The following GABRA4 variants were observed in gnomAD, a reference collection of about 807,000 sequenced individuals.
The protein encoded by GABRA4 is gamma-aminobutyric acid type A receptor subunit alpha4.
A neutral mutation model predicts 49.7 loss-of-function variants in GABRA4; 12 were observed. The observed-to-expected ratio is 0.24, with a 90% CI of 0.15 to 0.39. The LOEUF is 0.39. Among genes scored for constraint, GABRA4 ranks in the 10% least tolerant of loss-of-function variants. The pLI, the probability that GABRA4 is intolerant of heterozygous loss-of-function variation, is 1.00. For missense variants in GABRA4, 506 were observed against 686.0 expected (o/e 0.74, Z 2.93); for synonymous variants, 288 against 240.2 (o/e 1.20, Z -1.84).
chr4:46,943,055 T>G (rs1207474374), intron 8 of GABRA4, among the ~76,000 whole-genome samples: 1 of 152,160 alleles, frequency 6.6e-6, no homozygotes, highest in Admixed American at 6.6e-5. Context: ...ATTTATTGAG[T>G]GCCAGGCACT....
At chr4:46,956,203 A>G (rs1446055726) in intron 8 of GABRA4, among the ~76,000 whole-genome samples, 1 of 152,028 alleles carries the variant, frequency 6.6e-6, no homozygotes, top group Non-Finnish European at 1.5e-5. Flanking sequence ...GGAGGTACTT[A>G]TTTATATAAA....
At chr4:46,948,116 T>G (rs1428201633) in intron 8 of GABRA4, among the ~76,000 whole-genome samples, 1 of 152,118 alleles carries the variant, frequency 6.6e-6, no homozygotes, top group African/African-American at 2.4e-5. Context: ...TCTCAATATA[T>G]CAAGAGGCTT....
In GABRA4 at chr4:46,922,082, G is replaced by T. The variant is rs982520516; in HGVS notation, c.*6143C>A. 6.6e-6 allele frequency: 1 copy of T among 152,064 alleles called. No homozygotes were observed. Among genetic ancestry groups the T allele is most frequent in the Non-Finnish European group, 1.5e-5 (1 of 68,000 alleles). 9.4% of individuals were successfully genotyped at this position (152,064 alleles called of 1,614,324 possible). A position where few individuals can be genotyped will look rare whatever the true frequency, so the allele number is the denominator to read the frequency against. The stretch of plus-strand genomic sequence containing the variant: ...CCGAATAGTGGAATGTAGAGGTAAA[G>T]ATAAAAATTCTGATAGACTATATTT... On this transcript the variant is annotated 3_prime_UTR_variant, in exon 9 of 9. Transcript: ENST00000264318.
intron 8 of GABRA4, among the ~76,000 whole-genome samples, chr4:46,956,932 A>T (rs539767537): frequency 6.6e-6 from 1 of 152,188 alleles, no homozygotes; most frequent in East Asian, 1.9e-4. Flanking sequence ...TTTATTAATG[A>T]GCTTGCCATA....
chr4:46,929,011 T>C (rs1357320430), intron 8 of GABRA4, among the ~76,000 whole-genome samples: 1 of 151,994 alleles, frequency 6.6e-6, no homozygotes, highest in Non-Finnish European at 1.5e-5. Context: ...CTTAAATCTA[T>C]AGAAAAAAGA....
chr4:46,950,947 C>T (rs1249864850), intron 8 of GABRA4, among the ~76,000 whole-genome samples: 1 of 151,874 alleles, frequency 6.6e-6, no homozygotes, highest in African/African-American at 2.4e-5. Context: ...AGCCAGAAAA[C>T]CTATACTGGG....
In GABRA4 at chr4:46,956,468, A is replaced by AT. The variant is rs1453770039; in HGVS notation, c.1134+8501_1134+8502insA. Among the ~76,000 whole-genome samples the AT allele has an allele frequency of 3.9e-5, 6 of 152,076 alleles. No homozygotes were observed. The East Asian group carries it at 5.8e-4, about 15-fold the overall frequency. ...TAGTTTATATACCCTTTAGGAATGG[A>AT]ATGAAGCTTGTATATTATGATAGCC... On this transcript the variant is annotated intron_variant, in intron 8 of 8. Transcript: ENST00000264318.
chr4:46,966,974 G>A (rs760208925), intron 7 of GABRA4, among the ~76,000 whole-genome samples: 1 of 151,552 alleles, frequency 6.6e-6, no homozygotes, highest in Non-Finnish European at 1.5e-5. Flanking sequence ...GAACATTTAG[G>A]CCTTCATTTT....
At chr4:46,937,591 C>T (rs1264398314) in intron 8 of GABRA4, among the ~76,000 whole-genome samples, 1 of 152,132 alleles carries the variant, frequency 6.6e-6, no homozygotes, top group African/African-American at 2.4e-5. Context: ...AAAATACATG[C>T]AGAAAAGCTA....
chr4:46,979,036 C>T lies in GABRA4; in HGVS notation c.268G>A (p.Glu90Lys). Reference sequence around the variant, plus strand: ...TAAACTTCGAAAATACCTACCATTTCAACATCAGAAACAGGTCCAAAGCTG... The same window carrying T: ...TAAACTTCGAAAATACCTACCATTTTAACATCAGAAACAGGTCCAAAGCTG... The part of the protein sequence containing the change: ...VTSFGPVSDV[E>K]MEYTMDVFFR... The change falls in exon 3 of 9, where the codon GAA becomes AAA. Residue 90 changes from glutamate (E) to lysine (K), a missense_variant. Glu to Lys is a moderately conservative substitution (Grantham distance 56). Around this residue, in one of 5 missense-constraint regions of GABRA4, gnomAD observed 195 missense variants for 326.0 expected, o/e 0.60. Coordinates refer to ENST00000264318, the MANE Select transcript of GABRA4 (RefSeq NM_000809.4). 1 of 1,606,576 alleles carries T rather than the reference C, an allele frequency of 6.2e-7. No homozygotes were observed. Among genetic ancestry groups the T allele is most frequent in the Non-Finnish European group, 8.5e-7 (1 of 1,174,052 alleles).
chr4:46,970,749 A>G (rs945273630), intron 7 of GABRA4, among the ~76,000 whole-genome samples: 4 of 151,588 alleles, frequency 2.6e-5, no homozygotes, highest in Admixed American at 2.6e-4. Context: ...TTTCTTTTTA[A>G]CATGGAGATA....
At chr4:46,960,360 G>A (rs1258379490) in intron 8 of GABRA4, among the ~76,000 whole-genome samples, 1 of 151,490 alleles carries the variant, frequency 6.6e-6, no homozygotes, top group Non-Finnish European at 1.5e-5. Context: ...ATATTTCTTG[G>A]TATTTGAAAA....
intron 8 of GABRA4, among the ~76,000 whole-genome samples, chr4:46,963,336 A>C (rs1722644985): frequency 6.6e-6 from 1 of 151,778 alleles, no homozygotes; most frequent in Admixed American, 6.6e-5. Context: ...TCTCAACTTG[A>C]ATTTTATCCC....
chr4:46,956,157 C>G (rs1434215245), intron 8 of GABRA4, among the ~76,000 whole-genome samples: 1 of 151,996 alleles, frequency 6.6e-6, no homozygotes, highest in Non-Finnish European at 1.5e-5. Flanking sequence ...TTACTAATTA[C>G]AGAACATTCT....
At chr4:46,981,237 T>A (rs1723346373) in intron 2 of GABRA4, among the ~76,000 whole-genome samples, 1 of 151,910 alleles carries the variant, frequency 6.6e-6, no homozygotes, top group Admixed American at 6.6e-5. Context: ...TTCAGGGGAG[T>A]GAGGAGTCTA....
chr4:46,942,063 T>G (rs536681272), intron 8 of GABRA4, among the ~76,000 whole-genome samples: 3 of 152,308 alleles, frequency 2.0e-5, no homozygotes, highest in Admixed American at 1.3e-4. Context: ...CATAACATAC[T>G]TTTAATTTGT....
At chr4:46,972,705 T>C (rs888515249) in intron 6 of GABRA4, among the ~76,000 whole-genome samples, 4 of 151,626 alleles carry the variant, frequency 2.6e-5, no homozygotes, top group Non-Finnish European at 4.4e-5. Context: ...CTAGGATTTA[T>C]TCACCTTACA....
At chr4:46,989,848 T>C (rs538043746) in intron 2 of GABRA4, among the ~76,000 whole-genome samples, 1 of 152,344 alleles carries the variant, frequency 6.6e-6, no homozygotes, top group Admixed American at 6.5e-5. Context: ...ATTGTTTTCA[T>C]TTTATTTTTA....
At chr4:46,986,162 C>T (rs1723527641) in intron 2 of GABRA4, among the ~76,000 whole-genome samples, 1 of 151,930 alleles carries the variant, frequency 6.6e-6, no homozygotes, top group Non-Finnish European at 1.5e-5. Flanking sequence ...GCATTGTTCC[C>T]ACCAACTTTA....
Sources: gnomAD v4.1 joint callset for allele counts (sites outside exome capture counted in the v4.1 genomes callset) on GRCh38, gnomAD v4.1.1 for gene constraint, gnomAD v4.1.1 regional missense constraint, MANE v1.5 for transcripts, NCBI Gene and HGNC (gene_info 2026-07-23, HGNC 2026-07-21) for gene names.